Variants in CYTH1 observed in about 807,000 individuals in gnomAD.
CYTH1 encodes cytohesin 1.
A neutral mutation model predicts 61.8 loss-of-function variants in CYTH1; 18 were observed. That is an observed-to-expected ratio of 0.29 (90% CI 0.20 to 0.43). The LOEUF is 0.43. Among genes scored for constraint, CYTH1 ranks in the 20% least tolerant of loss-of-function variants. The pLI is 1.00. For missense variants in CYTH1, 336 were observed against 510.5 expected (o/e 0.66, Z 3.29); for synonymous variants, 174 against 184.3 (o/e 0.94, Z 0.45).
At chr17:78,772,691 C>T (rs908795508) in intron 1 of CYTH1, among the ~76,000 whole-genome samples, 2 of 151,916 alleles carry the variant, frequency 1.3e-5, no homozygotes, top group Admixed American at 6.6e-5. Context: ...GCGTGCACCA[C>T]CACACCCAGC....
At chr17:78,703,010 T>C (rs1039616617) in intron 3 of CYTH1, among the ~76,000 whole-genome samples, 2 of 152,030 alleles carry the variant, frequency 1.3e-5, no homozygotes, top group Non-Finnish European at 2.9e-5. Flanking sequence ...AGTCTCAAAC[T>C]CTTGGGCTCA....
intron 1 of CYTH1, among the ~76,000 whole-genome samples, chr17:78,757,499 C>T (rs55990159): frequency 1.4e-4 from 21 of 152,168 alleles, no homozygotes; most frequent in Non-Finnish European, 2.5e-4. Context: ...GAATAAAAAA[C>T]GACCTGGGAA....
At chr17:78,764,951 G>T (rs1273717127) in intron 1 of CYTH1, among the ~76,000 whole-genome samples, 2 of 151,974 alleles carry the variant, frequency 1.3e-5, no homozygotes, top group African/African-American at 4.8e-5. Context: ...AGTCAAGCAG[G>T]GTAAGGGTGG....
At chr17:78,710,020 T>C (rs536140310) in intron 1 of CYTH1, among the ~76,000 whole-genome samples, 1 of 152,268 alleles carries the variant, frequency 6.6e-6, no homozygotes, top group South Asian at 2.1e-4. Flanking sequence ...AGGATGAATA[T>C]TAGCTGAGCG....
Position 78,698,295 on chromosome 17 carries a change from T to A in CYTH1, c.785A>T (p.Asp262Val). 6.2e-7 allele frequency: 1 copy of A among 1,613,432 alleles called. No individual in the cohort carries two copies. Among genetic ancestry groups the A allele is most frequent in the Non-Finnish European group, 8.5e-7 (1 of 1,179,834 alleles). Reference protein sequence around the residue: ...NDLTHTFFNPDREGWLLKLGG... With the variant: ...NDLTHTFFNPVREGWLLKLGG... ...GAGTTTCAATAGCCAGCCTTCTCGG[T>A]CTGGATTGAAGAAAGTGTGAGTGAG... The change falls in exon 9 of 14, where the codon GAC (aspartate) becomes GTC (valine). Residue 262 changes from aspartate (D) to valine (V), a missense_variant. Physicochemically the swap from Asp to Val is radical, Grantham distance 152. This residue lies in a region of CYTH1 where 125 missense variants were observed against 209.9 expected (regional missense o/e 0.60). Transcript: ENST00000446868.
chr17:78,698,114 T>C (rs2092961297), intron 9 of CYTH1, among the ~76,000 whole-genome samples, 155 bp downstream of exon 9: 3 of 152,212 alleles, frequency 2.0e-5, no homozygotes, highest in Admixed American at 2.0e-4. Flanking sequence ...CATGAATGTG[T>C]GTGAACATGC....
At chr17:78,750,358 G>A (rs1045678460) in intron 1 of CYTH1, among the ~76,000 whole-genome samples, 3 of 152,122 alleles carry the variant, frequency 2.0e-5, no homozygotes, top group Non-Finnish European at 4.4e-5. Context: ...ACAGCACCAG[G>A]GGCTCTGCTG....
At chr17:78,706,828 T>C (rs1224907670) in intron 3 of CYTH1, among the ~76,000 whole-genome samples, 1 of 152,248 alleles carries the variant, frequency 6.6e-6, no homozygotes, top group Admixed American at 6.5e-5. Flanking sequence ...GTTAAGCATT[T>C]TTCATGTGTC....
intron 11 of CYTH1, among the ~76,000 whole-genome samples, chr17:78,688,211 A>G (rs1274192116): frequency 2.6e-5 from 4 of 152,234 alleles, no homozygotes; most frequent in Non-Finnish European, 2.9e-5. Context: ...ATCCATGCAT[A>G]TAACACCACA....
chr17:78,731,892 A>C (rs2093297020), intron 1 of CYTH1, among the ~76,000 whole-genome samples: 1 of 152,224 alleles, frequency 6.6e-6, no homozygotes, highest in Non-Finnish European at 1.5e-5. Context: ...CCAAGGGAAA[A>C]ATGAGAGATG....
chr17:78,753,529 A>ATAAATAAATAAG (rs1555614199), intron 1 of CYTH1, among the ~76,000 whole-genome samples: 4,960 of 151,928 alleles, frequency 0.033, 244 homozygotes, highest in African/African-American at 0.093. Flanking sequence ...AAATAAATAA[A>ATAAATAAATAAG]TAAAGATAAC....
At chr17:78,776,398 T>G (rs1258487480) in intron 1 of CYTH1, among the ~76,000 whole-genome samples, 2 of 152,052 alleles carry the variant, frequency 1.3e-5, no homozygotes, top group Non-Finnish European at 2.9e-5. Context: ...GGCTCACACC[T>G]GTAATCCCGG....
intron 1 of CYTH1, among the ~76,000 whole-genome samples, chr17:78,766,870 T>C (rs2093450855): frequency 6.6e-6 from 1 of 152,194 alleles, no homozygotes; most frequent in South Asian, 2.1e-4. Flanking sequence ...ATTCAAAGCA[T>C]GGCCTGTGCA....
chr17:78,693,115 T>C (rs2092905422), intron 10 of CYTH1, among the ~76,000 whole-genome samples: 1 of 152,184 alleles, frequency 6.6e-6, no homozygotes, highest in Admixed American at 6.5e-5. Flanking sequence ...TCCCGGGTCC[T>C]GGGTGAGAAT....
At chr17:78,780,778 G>A (rs966492708) in intron 1 of CYTH1, among the ~76,000 whole-genome samples, 7 of 152,096 alleles carry the variant, frequency 4.6e-5, no homozygotes, top group South Asian at 2.1e-4. Context: ...AGGCCGAGGC[G>A]GGTGGATCAC....
At chr17:78,696,142 C>A in intron 9 of CYTH1, 133 bp from the exon 10 acceptor site, 3 of 1,249,316 alleles carry the variant, frequency 2.4e-6, no homozygotes, top group Non-Finnish European at 3.2e-6. Flanking sequence ...CACATTCATG[C>A]CTGCCTGGGG....
chr17:78,722,954 G>A lies in CYTH1; in HGVS notation c.23-13222C>T, dbSNP rs143439603. Among the ~76,000 whole-genome samples the A allele has an allele frequency of 3.8e-3, 575 of 152,142 alleles. 5 individuals carry two copies. The highest frequency in any genetic ancestry group is 0.013 in the African/African-American group (526 of 41,494). ...CAAACCTCACGGAAGCTGGACCAAG[G>A]AAATTGACTACTGGCATGTTCCTAA... On this transcript the variant is annotated intron_variant, in intron 1 of 13. Transcript: ENST00000446868.
intron 11 of CYTH1, among the ~76,000 whole-genome samples, chr17:78,685,376 G>A (rs543225143): frequency 6.6e-6 from 1 of 151,982 alleles, no homozygotes; most frequent in African/African-American, 2.4e-5. Context: ...ACATTGTCCA[G>A]GTTTATAACA....
At chr17:78,735,805 C>T (rs2144616626) in intron 1 of CYTH1, among the ~76,000 whole-genome samples, 1 of 152,330 alleles carries the variant, frequency 6.6e-6, no homozygotes, top group Admixed American at 6.5e-5. Flanking sequence ...ACCCAGTACG[C>T]ATTTTACTAT....
Sources: gnomAD v4.1 joint callset for allele counts (sites outside exome capture counted in the v4.1 genomes callset) on GRCh38, gnomAD v4.1.1 for gene constraint, gnomAD v4.1.1 regional missense constraint, MANE v1.5 for transcripts, NCBI Gene and HGNC (gene_info 2026-07-23, HGNC 2026-07-21) for gene names.